DGKE: variants seen among roughly 807,000 people sequenced by gnomAD.
DGKE encodes the protein diacylglycerol kinase epsilon.
In DGKE, 53 loss-of-function variants were observed where a neutral mutation model predicts 70.0. The ratio of observed to expected loss-of-function variants is 0.76; its 90% confidence interval spans 0.61 to 0.95. The LOEUF is 0.95. Ranked by LOEUF, DGKE falls within the 40% of genes least tolerant of loss-of-function variation. The pLI, the probability that DGKE is intolerant of heterozygous loss-of-function variation, is 0.00. For missense variants in DGKE, 655 were observed against 706.9 expected (o/e 0.93, Z 0.83); for synonymous variants, 291 against 257.0 (o/e 1.13, Z -1.27).
At chr17:56,843,350 A>G (rs1786753175) in intron 2 of DGKE, among the ~76,000 whole-genome samples, 1 of 152,196 alleles carries the variant, frequency 6.6e-6, no homozygotes, top group Non-Finnish European at 1.5e-5. Flanking sequence ...AGAGTATCAT[A>G]TTTGCTTCTA....
chr17:56,856,761 G>T, intron 8 of DGKE, 136 bp downstream of exon 8: 1 of 1,155,376 alleles, frequency 8.7e-7, no homozygotes, highest in Non-Finnish European at 1.2e-6. Context: ...TTTGTGTAGG[G>T]TTGTCAAATT....
At chr17:56,834,468 G>A (rs1906425675) in intron 1 of DGKE, among the ~76,000 whole-genome samples, 1 of 152,262 alleles carries the variant, frequency 6.6e-6, no homozygotes, top group Non-Finnish European at 1.5e-5. Flanking sequence ...GCTTGCCCCT[G>A]TATGTTGCGC....
intron 2 of DGKE, among the ~76,000 whole-genome samples, chr17:56,839,461 G>A (rs1011821804): frequency 6.6e-6 from 1 of 152,156 alleles, no homozygotes; most frequent in East Asian, 1.9e-4. Flanking sequence ...TAGGATTCAG[G>A]TTTGAATATG....
chr17:56,867,586 G>C lies in DGKE; in HGVS notation c.*4795G>C, dbSNP rs369504858. ...TGACTGCACTCCAGCCTGGGCAACAGAGCAAGACTCCATCTCAAAAAAAAA... is the reference window on the plus strand; with the variant it reads ...TGACTGCACTCCAGCCTGGGCAACACAGCAAGACTCCATCTCAAAAAAAAA... On this transcript the variant is annotated 3_prime_UTR_variant, in exon 12 of 12. Coordinates refer to ENST00000284061, the MANE Select transcript of DGKE (RefSeq NM_003647.3). 3 of 152,052 alleles carry C rather than the reference G, an allele frequency of 2.0e-5. No individual in the cohort carries two copies. The highest frequency in any genetic ancestry group is 4.4e-5 in the Non-Finnish European group (3 of 68,496). 9.4% of individuals were successfully genotyped at this position (152,052 alleles called of 1,614,324 possible).
chr17:56,851,637 G>A (rs1287422371), intron 7 of DGKE, among the ~76,000 whole-genome samples: 2 of 152,176 alleles, frequency 1.3e-5, no homozygotes, highest in Non-Finnish European at 2.9e-5. Flanking sequence ...TACAGCCAAG[G>A]ATTGGAGGCA....
chr17:56,840,418 C>T (rs1026939932), intron 2 of DGKE, among the ~76,000 whole-genome samples: 1 of 152,114 alleles, frequency 6.6e-6, no homozygotes, highest in Non-Finnish European at 1.5e-5. Context: ...CTCTGTCGCT[C>T]AGGTTGCAGT....
intron 7 of DGKE, among the ~76,000 whole-genome samples, chr17:56,855,156 C>T (rs372035967): frequency 2.0e-5 from 3 of 149,596 alleles, no homozygotes; most frequent in Admixed American, 6.7e-5. Context: ...AATTAATGTA[C>T]ATTGACATAT....
intron 7 of DGKE, among the ~76,000 whole-genome samples, chr17:56,852,031 G>A (rs1907680852): frequency 6.6e-6 from 1 of 152,086 alleles, no homozygotes; most frequent in Admixed American, 6.5e-5. Context: ...TCACGCCACT[G>A]CACTCCAGCC....
chr17:56,848,898 A>G (rs1000540243), intron 6 of DGKE, 45 bp downstream of exon 6: 2 of 1,612,130 alleles, frequency 1.2e-6, no homozygotes, highest in African/African-American at 1.3e-5. Context: ...AGATTTAGCC[A>G]TAATTGGTTA....
In DGKE at chr17:56,869,167, C is replaced by T. The variant is rs540724227; in HGVS notation, c.*6376C>T. ...ACGAAGGTAAGAGTTGTAGAGACTT[C>T]GGTAAACTGGAGCACATGATTCCTG... On this transcript the variant is annotated 3_prime_UTR_variant, in exon 12 of 12. Transcript: ENST00000284061. 20 of 152,294 alleles carry T rather than the reference C, an allele frequency of 1.3e-4. No individual in the cohort carries two copies. The highest frequency in any genetic ancestry group is 4.8e-4 in the African/African-American group (20 of 41,570). 9.4% of individuals were successfully genotyped at this position (152,294 alleles called of 1,614,324 possible). A position where few individuals can be genotyped will look rare whatever the true frequency, so the allele number is the denominator to read the frequency against.
At position 56,848,030 on chromosome 17, in the gene DGKE, T is replaced by TG. The variant is rs745825844; in HGVS notation, c.856dup (p.Val286GlyfsTer6). 6.3e-7 allele frequency: 1 copy of TG among 1,598,156 alleles called. No individual in the cohort carries two copies. Among genetic ancestry groups the TG allele is most frequent in the Non-Finnish European group, 8.5e-7 (1 of 1,172,016 alleles). On this transcript the variant is annotated frameshift_variant, in exon 5 of 12. Transcript: ENST00000284061. LOFTEE classifies it high-confidence loss of function. ...TTGTGGAGGGGATGGGACTGTAGGG[T>TG]GGGTCCTGGATGCAGTTGATGACAT...
chr17:56,836,357 A>G (rs577852405), intron 2 of DGKE: 33 of 152,342 alleles, frequency 2.2e-4, no homozygotes, highest in African/African-American at 7.9e-4. Flanking sequence ...GACAACTACA[A>G]AGTTTTGTAA....
rs1907150727 is a variant in DGKE, at chr17:56,844,140, A to T, written c.586A>T (p.Asn196Tyr). The T allele has an allele frequency of 1.9e-6, 3 of 1,563,112 alleles. No individual in the cohort carries two copies. Among genetic ancestry groups the T allele is most frequent in the Non-Finnish European group, 2.6e-6 (3 of 1,159,540 alleles). ...IIPPSYLTSINQMRKDKKTDY... is the reference protein window; with the variant it reads ...IIPPSYLTSIYQMRKDKKTDY... ...TCCACCAAGTTATTTAACATCCATT[A>T]ATCAGATGCGTAAAGACAAAAAAAC... Residue 196 changes from asparagine to tyrosine, a missense_variant, in exon 3 of 12, where the codon AAT becomes TAT. Physicochemically the swap from Asn to Tyr is moderately radical, Grantham distance 143. Coordinates refer to ENST00000284061, the MANE Select transcript of DGKE (RefSeq NM_003647.3).
chr17:56,854,333 T>G (rs1159894988), intron 7 of DGKE, among the ~76,000 whole-genome samples: 1 of 152,060 alleles, frequency 6.6e-6, no homozygotes, highest in Non-Finnish European at 1.5e-5. Flanking sequence ...TTTTTTGTGT[T>G]TTTTTGAGAC....
At chr17:56,838,563 G>T (rs1325231866) in intron 2 of DGKE, 3 of 152,156 alleles carry the variant, frequency 2.0e-5, no homozygotes, top group Non-Finnish European at 2.9e-5. Context: ...CTGTTCTAGT[G>T]AATCTTATAA....
intron 9 of DGKE, 146 bp downstream of exon 9, chr17:56,858,811 G>A (rs969057445): frequency 3.0e-5 from 17 of 559,048 alleles, no homozygotes; most frequent in Non-Finnish European, 4.9e-5. Flanking sequence ...TTTGCTACAT[G>A]CTTTATACAC....
At chr17:56,856,805 G>T (rs1907977910) in intron 8 of DGKE, 180 bp downstream of exon 8, 1 of 448,486 alleles carries the variant, frequency 2.2e-6, no homozygotes, top group African/African-American at 2.2e-5. Context: ...ATCTTTAAAT[G>T]TGCTTTATCA....
At chr17:56,841,638 C>T (rs1184398112) in intron 2 of DGKE, among the ~76,000 whole-genome samples, 1 of 152,172 alleles carries the variant, frequency 6.6e-6, no homozygotes, top group African/African-American at 2.4e-5. Context: ...CTTTCATGCA[C>T]TCGTAACAAG....
At chr17:56,856,163 AAT>A (rs1290872523) in intron 7 of DGKE, among the ~76,000 whole-genome samples, 1 of 152,142 alleles carries the variant, frequency 6.6e-6, no homozygotes, top group African/African-American at 2.4e-5. Context: ...GGTTGGGACT[AAT>A]AGAAGCTGAG....
Sources: allele counts gnomAD v4.1 joint callset (sites outside exome capture counted in the v4.1 genomes callset), GRCh38; gene constraint gnomAD v4.1.1; transcripts MANE v1.5; gene names NCBI Gene and HGNC (gene_info 2026-07-23, HGNC 2026-07-21).